TMEM132D: variants seen among roughly 807,000 people sequenced by gnomAD.
TMEM132D encodes the protein transmembrane protein 132D, also known as mature OL transmembrane protein.
Under a neutral mutation model 62.3 loss-of-function variants are expected in TMEM132D, and 21 were observed. The ratio of observed to expected loss-of-function variants is 0.34; its 90% CI spans 0.24 to 0.49. TMEM132D has a LOEUF of 0.49. Ranked by LOEUF, TMEM132D falls within the 20% of genes least tolerant of loss-of-function variation. TMEM132D has a pLI of 0.99. For synonymous variants in TMEM132D, 621 were observed against 575.6 expected (o/e 1.08, Z -1.13); for missense variants, 1,346 against 1,402.8 (o/e 0.96, Z 0.65).
intron 2 of TMEM132D, among the ~76,000 whole-genome samples, chr12:129,660,707 C>T (rs76800262): frequency 6.6e-6 from 1 of 152,124 alleles, no homozygotes; most frequent in Admixed American, 6.5e-5. Flanking sequence ...GTCTGCACAC[C>T]TTGTACCAAA....
intron 2 of TMEM132D, among the ~76,000 whole-genome samples, chr12:129,557,268 T>C (rs1294349164): frequency 1.3e-5 from 2 of 152,218 alleles, no homozygotes; most frequent in African/African-American, 2.4e-5. Flanking sequence ...AATATGCATA[T>C]AGATTCAAAT....
intron 4 of TMEM132D, among the ~76,000 whole-genome samples, chr12:129,239,168 C>T (rs1268084363): frequency 1.3e-5 from 2 of 152,018 alleles, no homozygotes; most frequent in East Asian, 3.9e-4. Context: ...GTTCTTTGCT[C>T]ATTTTTAAAT....
chr12:129,107,774 C>T (rs1875547813), intron 5 of TMEM132D, among the ~76,000 whole-genome samples: 1 of 152,048 alleles, frequency 6.6e-6, no homozygotes, highest in Non-Finnish European at 1.5e-5. Flanking sequence ...GAAGCCTTGA[C>T]CTCCTGGGCT....
At chr12:129,487,028 G>A (rs373614740) in intron 3 of TMEM132D, among the ~76,000 whole-genome samples, 191 of 109,960 alleles carry the variant, frequency 1.7e-3, no homozygotes, top group African/African-American at 5.0e-3. Flanking sequence ...GAATGTTTGC[G>A]TATGGGGGGG....
intron 2 of TMEM132D, among the ~76,000 whole-genome samples, chr12:129,551,824 G>A (rs536387854): frequency 3.0e-4 from 45 of 152,280 alleles, no homozygotes; most frequent in African/African-American, 1.0e-3. Context: ...TAATGCCTGA[G>A]TAACCACAGA....
At chr12:129,391,592 T>C (rs952344312) in intron 3 of TMEM132D, among the ~76,000 whole-genome samples, 2 of 152,172 alleles carry the variant, frequency 1.3e-5, no homozygotes, top group Non-Finnish European at 2.9e-5. Flanking sequence ...GACTAAGATC[T>C]CATCATTTGT....
At chr12:129,537,117 G>C (rs1032129743) in intron 2 of TMEM132D, among the ~76,000 whole-genome samples, 6 of 136,332 alleles carry the variant, frequency 4.4e-5, no homozygotes, top group Admixed American at 1.6e-4. Context: ...CCGAGATTGT[G>C]CCACTGCACT....
At chr12:129,517,721 T>C (rs1875724261) in intron 3 of TMEM132D, among the ~76,000 whole-genome samples, 1 of 152,234 alleles carries the variant, frequency 6.6e-6, no homozygotes, top group South Asian at 2.1e-4. Context: ...GCCTGAGGTT[T>C]CTGATACAGT....
At chr12:129,082,342 A>C (rs1456379537) in intron 6 of TMEM132D, among the ~76,000 whole-genome samples, 1 of 152,116 alleles carries the variant, frequency 6.6e-6, no homozygotes, top group East Asian at 1.9e-4. Flanking sequence ...TCTTTCATCC[A>C]ATGAAAAAGT....
At chr12:129,800,409 G>C (rs548212763) in intron 1 of TMEM132D, among the ~76,000 whole-genome samples, 1 of 151,956 alleles carries the variant, frequency 6.6e-6, no homozygotes, top group Non-Finnish European at 1.5e-5. Flanking sequence ...CATATATTGA[G>C]CCTATGATAC....
intron 1 of TMEM132D, among the ~76,000 whole-genome samples, chr12:129,809,581 A>C (rs1358036658): frequency 6.6e-6 from 1 of 152,156 alleles, no homozygotes; most frequent in Non-Finnish European, 1.5e-5. Context: ...ACACATCCTC[A>C]ACATTATCAA....
At chr12:129,671,558 C>A (rs1352219599) in intron 2 of TMEM132D, among the ~76,000 whole-genome samples, 1 of 151,980 alleles carries the variant, frequency 6.6e-6, no homozygotes, top group Non-Finnish European at 1.5e-5. Flanking sequence ...ATACAACTAG[C>A]CAACGTGGTG....
Position 129,447,877 on chromosome 12 carries a change from TG to T in TMEM132D, c.1115+83181del, listed in dbSNP as rs1282743264. 3.3e-5 allele frequency among the ~76,000 whole-genome samples: 5 copies of T among 152,330 alleles called. No homozygotes were observed. In the East Asian group the frequency reaches 9.6e-4, roughly 29 times the overall value. On this transcript the variant is annotated intron_variant, in intron 3 of 8. Coordinates refer to ENST00000422113, the MANE Select transcript of TMEM132D (RefSeq NM_133448.3). ...TGCCGGCTTAATCACTTGGCCCATCTGGGTACTATTTATCTGATTTGTTATA... is the reference window on the plus strand; with the variant it reads ...TGCCGGCTTAATCACTTGGCCCATCTGGTACTATTTATCTGATTTGTTATA...
intron 3 of TMEM132D, among the ~76,000 whole-genome samples, chr12:129,476,703 T>C (rs769869536): frequency 7.2e-5 from 11 of 152,110 alleles, no homozygotes; most frequent in Non-Finnish European, 1.5e-4. Context: ...GATGTATTTG[T>C]GGTGGGGGCT....
chr12:129,457,921 C>T (rs1593018058), intron 3 of TMEM132D, among the ~76,000 whole-genome samples: 1 of 152,294 alleles, frequency 6.6e-6, no homozygotes, highest in East Asian at 1.9e-4. Flanking sequence ...GACACGGATC[C>T]AAACCATATC....
intron 2 of TMEM132D, among the ~76,000 whole-genome samples, chr12:129,542,558 G>A (rs994807945): frequency 6.6e-6 from 1 of 152,104 alleles, no homozygotes; most frequent in African/African-American, 2.4e-5. Flanking sequence ...TCTTGCTACA[G>A]ACATCTATCG....
At chr12:129,896,824 C>T (rs1387603881) in intron 1 of TMEM132D, among the ~76,000 whole-genome samples, 1 of 152,126 alleles carries the variant, frequency 6.6e-6, no homozygotes, top group Non-Finnish European at 1.5e-5. Flanking sequence ...ACTTTACTTA[C>T]TTCTTAAGGG....
At chr12:129,687,056 T>G (rs940776252) in intron 2 of TMEM132D, among the ~76,000 whole-genome samples, 2 of 152,166 alleles carry the variant, frequency 1.3e-5, no homozygotes, top group African/African-American at 4.8e-5. Flanking sequence ...CTTTCAAATG[T>G]GTTTATCTCA....
At chr12:129,597,329 C>G (rs1258329712) in intron 2 of TMEM132D, among the ~76,000 whole-genome samples, 1 of 152,018 alleles carries the variant, frequency 6.6e-6, no homozygotes, top group African/African-American at 2.4e-5. Context: ...ACATTGGTAA[C>G]CAGAATGTCA....
Sources: gnomAD v4.1 joint callset for allele counts (sites outside exome capture counted in the v4.1 genomes callset) on GRCh38, gnomAD v4.1.1 for gene constraint, MANE v1.5 for transcripts, NCBI Gene and HGNC (gene_info 2026-07-23, HGNC 2026-07-21) for gene names.